TRPV4: variants seen among roughly 807,000 people sequenced by gnomAD.
TRPV4 encodes transient receptor potential cation channel subfamily V member 4.
TRPV4 carries 58 observed loss-of-function variants against 84.1 expected under a neutral mutation model. The observed-to-expected ratio is 0.69, with a 90% CI of 0.56 to 0.86. The LOEUF (loss-of-function observed/expected upper bound fraction) is 0.86, where lower values mean the gene tolerates loss of function less well. TRPV4 is among the 40% of genes least tolerant of loss of function. The probability of loss-of-function intolerance (pLI) is 0.00; values close to 1 mark genes in which losing one functional copy is unlikely to be tolerated. For missense variants in TRPV4, 879 were observed against 1,181.1 expected (o/e 0.74, Z 3.75); for synonymous variants, 489 against 500.9 (o/e 0.98, Z 0.32).
chr12:109,817,937 G>A (rs1891932354), intron 1 of TRPV4, among the ~76,000 whole-genome samples: 1 of 151,578 alleles, frequency 6.6e-6, no homozygotes, highest in Non-Finnish European at 1.5e-5. Context: ...ACAAAAAAAT[G>A]ACCCAGCCCA....
At chr12:109,807,315 C>G (rs1488174165) in intron 3 of TRPV4, among the ~76,000 whole-genome samples, 3 of 150,856 alleles carry the variant, frequency 2.0e-5, no homozygotes, top group Non-Finnish European at 4.4e-5. Context: ...ATCCCTGAAG[C>G]CTCCTCAGAC....
At chr12:109,808,242 G>C in intron 3 of TRPV4, 54 bp downstream of exon 3, 1 of 1,605,910 alleles carries the variant, frequency 6.2e-7, no homozygotes, top group Non-Finnish European at 8.5e-7. Context: ...CCAATGCCAG[G>C]CTTCCCCCAC....
chr12:109,788,717 C>T lies in TRPV4; in HGVS notation c.1892-1G>A. Reference sequence around the variant, plus strand: ...CACGGGTTCAGGAGGGAGACCAGGGCTGTGGGAGGATAGGGGTGGCACTCA... The same window carrying T: ...CACGGGTTCAGGAGGGAGACCAGGGTTGTGGGAGGATAGGGGTGGCACTCA... On this transcript the variant is annotated splice_acceptor_variant, in intron 12 of 15. Transcript: ENST00000261740. LOFTEE classifies it high-confidence loss of function. The T allele has an allele frequency of 1.2e-6, 2 of 1,614,052 alleles. No individual in the cohort carries two copies. The highest frequency in any genetic ancestry group is 1.7e-6 in the Non-Finnish European group (2 of 1,180,038).
intron 2 of TRPV4, among the ~76,000 whole-genome samples, chr12:109,810,149 G>A (rs1565880400): frequency 6.6e-6 from 1 of 152,170 alleles, no homozygotes; most frequent in Non-Finnish European, 1.5e-5. Context: ...ACATTATTTC[G>A]GCACCTATTA....
intron 1 of TRPV4, among the ~76,000 whole-genome samples, chr12:109,817,107 A>C (rs1415666660): frequency 6.6e-6 from 1 of 152,172 alleles, no homozygotes; most frequent in African/African-American, 2.4e-5. Flanking sequence ...GACTGGCCAG[A>C]CAGGAGAGGG....
At position 109,793,657 on chromosome 12, in the gene TRPV4, G is replaced by C; in HGVS notation, c.1585-57C>G. The C allele has an allele frequency of 7.1e-7, 1 of 1,403,140 alleles. No homozygotes were observed. The highest frequency in any genetic ancestry group is 1.0e-6 in the Non-Finnish European group (1 of 988,280). The allele number at this position is 1,403,140 out of a possible 1,614,324, so 86.9% of individuals were successfully genotyped here. On this transcript the variant is annotated intron_variant, in intron 9 of 15. Transcript: ENST00000261740. The surrounding 1 kb of genome is among the most constrained non-coding windows in gnomAD (Gnocchi z 4.0). ...TGGGGCCAGCAGGAGAGGAGAGGAGGAGAGAGGAGACAGAGAAAGGGATAG... is the reference window on the plus strand; with the variant it reads ...TGGGGCCAGCAGGAGAGGAGAGGAGCAGAGAGGAGACAGAGAAAGGGATAG...
chr12:109,810,435 G>A (rs1891450820), intron 2 of TRPV4, among the ~76,000 whole-genome samples: 2 of 152,238 alleles, frequency 1.3e-5, no homozygotes, highest in South Asian at 2.1e-4. Flanking sequence ...GGCCAGGGCA[G>A]GTTGTGGAAG....
chr12:109,814,468 T>C lies in TRPV4; in HGVS notation c.329A>G (p.Tyr110Cys), dbSNP rs1325112750. 6.2e-7 allele frequency: 1 copy of C among 1,614,148 alleles called. No homozygotes were observed. Among genetic ancestry groups the C allele is most frequent in the South Asian group, 1.1e-5 (1 of 91,086 alleles). The change falls in exon 2 of 16, where the codon TAC (tyrosine) becomes TGC (cysteine). Residue 110 changes from tyrosine to cysteine, a missense_variant. Tyr to Cys is a radical substitution (Grantham distance 194). Transcript: ENST00000261740. This position sits in a 1 kb window ranked among gnomAD's most constrained non-coding sequence, Gnocchi z 5.4. ...ACTGGAGTGGTGACGATAGGTGCCG[T>C]AGTCAAACAGTGAGTCCATGGGTGC... Reference protein sequence around the residue: ...KKAPMDSLFDYGTYRHHSSDN... With the variant: ...KKAPMDSLFDCGTYRHHSSDN...
At chr12:109,828,656 C>T (rs573288822) in intron 1 of TRPV4, among the ~76,000 whole-genome samples, 7 of 152,304 alleles carry the variant, frequency 4.6e-5, no homozygotes, top group South Asian at 4.1e-4. Flanking sequence ...GTGGCTCAGA[C>T]GCCAAGGTGG....
chr12:109,811,228 C>T (rs1053126212), intron 2 of TRPV4, among the ~76,000 whole-genome samples: 2 of 152,190 alleles, frequency 1.3e-5, no homozygotes, highest in Non-Finnish European at 2.9e-5. Flanking sequence ...ATGGCACATC[C>T]ATGTGCTCAG....
chr12:109,821,365 C>G (rs749532151), intron 1 of TRPV4, among the ~76,000 whole-genome samples: 7 of 152,194 alleles, frequency 4.6e-5, no homozygotes, highest in Admixed American at 2.0e-4. Flanking sequence ...CTAGGCTGTT[C>G]CCTCCGCCTG....
rs370135765 is a variant in TRPV4 at position 109,814,497 on chromosome 12, C to T, written c.300G>A (p.Lys100=). 3.7e-5 allele frequency: 60 copies of T among 1,613,934 alleles called. No individual in the cohort carries two copies. The highest frequency in any genetic ancestry group is 8.3e-5 in the Admixed American group (5 of 59,994). The change falls in exon 2 of 16, where the codon AAG becomes AAA. Residue 100 remains lysine, a synonymous_variant. Coordinates refer to ENST00000261740, the MANE Select transcript of TRPV4 (RefSeq NM_021625.5). This position sits in a 1 kb window ranked among gnomAD's most constrained non-coding sequence, Gnocchi z 5.4. ...CAAACAGTGAGTCCATGGGTGCTTT[C>T]TTGGGCCCAGGCACCACCGAGGACT... ...LYESSVVPGP[K]KAPMDSLFDY...
rs146841400 is a variant in TRPV4 at position 109,794,356 on chromosome 12, G to A, written c.1464C>T (p.Thr488=). The change falls in exon 8 of 16, where the codon ACC becomes ACT. Residue 488 remains threonine (T), a synonymous_variant. Coordinates refer to ENST00000261740, the MANE Select transcript of TRPV4 (RefSeq NM_021625.5). ...YLCAMVIFTL[T]AYYQPLEGTP... ...TGCCCTCCAGCGGCTGGTAGTAGGC[G>A]GTGAGAGTGAAGATGACCATGGCAC... 1.8e-4 allele frequency: 289 copies of A among 1,612,858 alleles called. No homozygotes were observed. Among genetic ancestry groups the A allele is most frequent in the East Asian group, 1.1e-4 (5 of 44,884 alleles).
At position 109,796,430 on chromosome 12, in the gene TRPV4, T is replaced by C. The variant is rs920727371; in HGVS notation, c.1332+95A>G. 1.4e-6 allele frequency: 2 copies of C among 1,468,434 alleles called. No individual in the cohort carries two copies. The highest frequency in any genetic ancestry group is 2.4e-5 in the East Asian group (1 of 42,086). 91.0% of individuals were successfully genotyped at this position (1,468,434 alleles called of 1,614,324 possible). ...ACCCACCACGTTGGGTCCTAGAGGCTGGGGCTGTCTCCCCCAGCCCAGCCC... is the reference window on the plus strand; with the variant it reads ...ACCCACCACGTTGGGTCCTAGAGGCCGGGGCTGTCTCCCCCAGCCCAGCCC... On this transcript the variant is annotated intron_variant, in intron 7 of 15. Transcript: ENST00000261740. This position sits in a 1 kb window ranked among gnomAD's most constrained non-coding sequence, Gnocchi z 4.2.
At chr12:109,784,490 T>C in intron 14 of TRPV4, 53 bp from the exon 15 acceptor site, 2 of 1,613,774 alleles carry the variant, frequency 1.2e-6, no homozygotes, top group Admixed American at 1.7e-5. Flanking sequence ...ACGCTCTCCA[T>C]GCCACCATCC....
In TRPV4 at chr12:109,798,357, A is replaced by G. The variant is rs1890543585; in HGVS notation, c.1152+257T>C. Among the ~76,000 whole-genome samples, 1 of 152,190 alleles carries G rather than the reference A, an allele frequency of 6.6e-6. No individual in the cohort carries two copies. The highest frequency in any genetic ancestry group is 6.5e-5 in the Admixed American group (1 of 15,280). ...GGACTCAGTTTCTTATCAGTGGCTC[A>G]TCCTGGCTGGTGGGGGTGGAGTGGT... On this transcript the variant is annotated intron_variant, in intron 6 of 15. Transcript: ENST00000261740. The surrounding 1 kb of genome is among the most constrained non-coding windows in gnomAD (Gnocchi z 5.0).
chr12:109,815,226 G>C lies in TRPV4; in HGVS notation c.-31-399C>G, dbSNP rs1293606914. 6.6e-6 allele frequency among the ~76,000 whole-genome samples: 1 copy of C among 152,218 alleles called. No homozygotes were observed. Among genetic ancestry groups the C allele is most frequent in the Non-Finnish European group, 1.5e-5 (1 of 68,042 alleles). On this transcript the variant is annotated intron_variant, in intron 1 of 15. Transcript: ENST00000261740. This position sits in a 1 kb window ranked among gnomAD's most constrained non-coding sequence, Gnocchi z 4.1. Reference sequence around the variant, plus strand: ...GTCATTCCATGACATTGAGCAAGTCGACATTTCATAGCCTCAGCTTCCTGA... The same window carrying C: ...GTCATTCCATGACATTGAGCAAGTCCACATTTCATAGCCTCAGCTTCCTGA...
At position 109,788,599 on chromosome 12, in the gene TRPV4, A is replaced by G; in HGVS notation, c.2009T>C (p.Leu670Pro). Residue 670 changes from leucine (L) to proline (P), a missense_variant, in exon 13 of 16, where the codon CTC becomes CCC. Coordinates refer to ENST00000261740, the MANE Select transcript of TRPV4 (RefSeq NM_021625.5). Reference sequence around the variant, plus strand: ...GATGGTCAGCTTAAACAGGTCCAGGAGGAAGGTGCTGAAGGTCTCGCTGTC... The same window carrying G: ...GATGGTCAGCTTAAACAGGTCCAGGGGGAAGGTGCTGAAGGTCTCGCTGTC... The part of the protein sequence containing the change: ...CRDSETFSTF[L>P]LDLFKLTIGM... 6.2e-7 allele frequency: 1 copy of G among 1,614,234 alleles called. No homozygotes were observed. The highest frequency in any genetic ancestry group is 1.1e-5 in the South Asian group (1 of 91,082).
At chr12:109,817,502 C>T (rs1367089620) in intron 1 of TRPV4, among the ~76,000 whole-genome samples, 1 of 152,230 alleles carries the variant, frequency 6.6e-6, no homozygotes, top group Non-Finnish European at 1.5e-5. Flanking sequence ...TAAGCCTGGA[C>T]AGCACCCCAG....
Sources: allele counts gnomAD v4.1 joint callset (sites outside exome capture counted in the v4.1 genomes callset), GRCh38; gene constraint gnomAD v4.1.1; non-coding constraint Gnocchi (gnomAD v3.1); transcripts MANE v1.5; gene names NCBI Gene and HGNC (gene_info 2026-07-23, HGNC 2026-07-21).